GDPD4: variants seen among roughly 807,000 people sequenced by gnomAD.
GDPD4 encodes the protein glycerophosphodiester phosphodiesterase 6.
Under a neutral mutation model 67.8 loss-of-function variants are expected in GDPD4, and 60 were observed. That is an observed-to-expected ratio of 0.88 (90% confidence interval 0.72 to 1.10). The LOEUF is 1.10. Ranked by LOEUF, GDPD4 falls within the 50% of genes least tolerant of loss-of-function variation. The pLI is 0.00. For missense variants in GDPD4, 623 were observed against 613.9 expected, an observed-to-expected ratio of 1.01 and a Z score of -0.16; for synonymous variants, 212 against 210.9, an observed-to-expected ratio of 1.00 and a Z score of -0.04.
Position 77,271,396 on chromosome 11 carries a change from AG to A in GDPD4, c.208-4del, listed in dbSNP as rs1343641113. On this transcript the variant is annotated splice_polypyrimidine_tract_variant and splice_region_variant and intron_variant, in intron 5 of 16. Transcript: ENST00000315938. ...AGAATCACTAGCAGAATCAGGATCTAGGGAAACAGAAAAAAAATCTCCTGAC... is the reference window on the plus strand; with the variant it reads ...AGAATCACTAGCAGAATCAGGATCTAGGAAACAGAAAAAAAATCTCCTGAC... 5.6e-6 allele frequency: 9 copies of A among 1,593,184 alleles called. No homozygotes were observed. The highest frequency in any genetic ancestry group is 3.6e-4 in the Middle Eastern group (2 of 5,600).
chr11:77,231,240 G>A lies in GDPD4; in HGVS notation c.1389+1785C>T, dbSNP rs763484630. On this transcript the variant is annotated intron_variant, in intron 14 of 16. Coordinates refer to ENST00000315938, the MANE Select transcript of GDPD4 (RefSeq NM_182833.3). Reference sequence around the variant, plus strand: ...TCCTCACTTTAATTTTCTCAATTACGAGACCAATGACCAGACCAGATTATG... The same window carrying A: ...TCCTCACTTTAATTTTCTCAATTACAAGACCAATGACCAGACCAGATTATG... 3.9e-5 allele frequency among the ~76,000 whole-genome samples: 6 copies of A among 152,190 alleles called. No homozygotes were observed. In the East Asian group the frequency reaches 9.6e-4, roughly 24 times the overall value.
intron 1 of GDPD4, among the ~76,000 whole-genome samples, chr11:77,292,706 T>A (rs922445390): frequency 2.6e-5 from 4 of 152,066 alleles, no homozygotes; most frequent in African/African-American, 9.7e-5. Flanking sequence ...CCAGGATCAT[T>A]AAGGAGATTA....
intron 13 of GDPD4, among the ~76,000 whole-genome samples, chr11:77,238,361 A>G (rs941384227): frequency 5.9e-5 from 9 of 152,164 alleles, no homozygotes; most frequent in African/African-American, 2.2e-4. Context: ...AGGTGGGTGG[A>G]TCACCTGAGG....
At chr11:77,249,023 T>C (rs972260233) in intron 11 of GDPD4, among the ~76,000 whole-genome samples, 5 of 151,688 alleles carry the variant, frequency 3.3e-5, no homozygotes, top group African/African-American at 7.3e-5. Context: ...TCCCAGCACT[T>C]TGGGAGGCCA....
intron 2 of GDPD4, chr11:77,286,835 C>A (rs1000424078): frequency 6.6e-6 from 1 of 152,134 alleles, no homozygotes; most frequent in Non-Finnish European, 1.5e-5. Context: ...TTTTCTCCTG[C>A]GAAGAGAAAT....
In GDPD4 at chr11:77,261,834, C is replaced by T. The variant is rs1325594016; in HGVS notation, c.708-3292G>A. Among the ~76,000 whole-genome samples the T allele has an allele frequency of 3.9e-5, 6 of 152,162 alleles. No homozygotes were observed. The East Asian group carries it at 9.6e-4, about 24-fold the overall frequency. ...GGATGTTGGAGCTCAGAAACCTACACCCAAATTGTGGTATGCTGACATGCT... is the reference window on the plus strand; with the variant it reads ...GGATGTTGGAGCTCAGAAACCTACATCCAAATTGTGGTATGCTGACATGCT... On this transcript the variant is annotated intron_variant, in intron 10 of 16. Transcript: ENST00000315938.
At chr11:77,293,364 C>G (rs945518369) in intron 1 of GDPD4, among the ~76,000 whole-genome samples, 4 of 152,166 alleles carry the variant, frequency 2.6e-5, no homozygotes, top group Non-Finnish European at 5.9e-5. Context: ...GAGGCTGAGG[C>G]AGGCAGACTG....
intron 11 of GDPD4, among the ~76,000 whole-genome samples, chr11:77,247,553 T>A (rs1406526606): frequency 6.6e-6 from 1 of 152,190 alleles, no homozygotes; most frequent in African/African-American, 2.4e-5. Flanking sequence ...GTTTAGACTA[T>A]ATTCAACATG....
rs1240532026 is a variant in GDPD4, at chr11:77,227,874, G to A, written c.1515C>T (p.Ser505=). 2 of 1,613,188 alleles carry A rather than the reference G, an allele frequency of 1.2e-6. No individual in the cohort carries two copies. Among genetic ancestry groups the A allele is most frequent in the Admixed American group, 3.3e-5 (2 of 60,018 alleles). Residue 505 remains serine, a synonymous_variant, in exon 16 of 17, where the codon AGC becomes AGT. Coordinates refer to ENST00000315938, the MANE Select transcript of GDPD4 (RefSeq NM_182833.3). ...GGCCTCTGACTTTACCTGTGCGAGT[G>A]CTGGAGGTTTCAAACAATTTTTCTT... ...TEKEKLFETS[S]TRTDTQSGSK... is the part of the protein sequence containing the mutation.
In GDPD4 at chr11:77,246,357, C is replaced by T. The variant is rs150276886; in HGVS notation, c.865-855G>A. 3.4e-3 allele frequency among the ~76,000 whole-genome samples: 515 copies of T among 152,242 alleles called. 1 individual carries two copies. The highest frequency in any genetic ancestry group is 0.011 in the African/African-American group (474 of 41,548). ...TTCAATGGCTTTGAAGCCCAATGGC[C>T]CATTTTTATGCCTCTGTATGTCTCA... is the stretch of plus-strand genomic sequence containing the variant. On this transcript the variant is annotated intron_variant, in intron 11 of 16. Transcript: ENST00000315938.
At chr11:77,218,476 G>C (rs1958167846) in intron 16 of GDPD4, among the ~76,000 whole-genome samples, 1 of 152,186 alleles carries the variant, frequency 6.6e-6, no homozygotes, top group Non-Finnish European at 1.5e-5. Flanking sequence ...TGCCATGTTG[G>C]TTTGCTGCAC....
intron 1 of GDPD4, among the ~76,000 whole-genome samples, chr11:77,291,557 A>G (rs1222638111): frequency 6.6e-6 from 1 of 152,224 alleles, no homozygotes; most frequent in Non-Finnish European, 1.5e-5. Flanking sequence ...TTTCAAAGCG[A>G]TAGATATCCT....
At chr11:77,247,139 AATTGCTAGGCCAGAAGGCAGATC>A (rs1348386195) in intron 11 of GDPD4, among the ~76,000 whole-genome samples, 15 of 152,166 alleles carry the variant, frequency 9.9e-5, no homozygotes, top group East Asian at 5.8e-4. Flanking sequence ...ATCTCCGGAA[AATTGCTAGGCCAGAAGGCAGATC>A]ATTGCTAGGC....
chr11:77,229,624 T>A (rs1300387021), intron 14 of GDPD4, among the ~76,000 whole-genome samples: 1 of 152,168 alleles, frequency 6.6e-6, no homozygotes, highest in African/African-American at 2.4e-5. Flanking sequence ...CAGCCAAGTC[T>A]CCCGGGGCAG....
chr11:77,255,351 G>A (rs1270128533), intron 11 of GDPD4, among the ~76,000 whole-genome samples: 1 of 152,160 alleles, frequency 6.6e-6, no homozygotes, highest in African/African-American at 2.4e-5. Context: ...TGGATCACCT[G>A]AGGTTAGGAG....
chr11:77,270,447 G>A (rs1444363899), intron 7 of GDPD4, among the ~76,000 whole-genome samples: 3 of 152,252 alleles, frequency 2.0e-5, no homozygotes, highest in Non-Finnish European at 4.4e-5. Context: ...GCCGGGCGCA[G>A]TGGCTCACGC....
intron 16 of GDPD4, among the ~76,000 whole-genome samples, chr11:77,219,852 G>C (rs1348749714): frequency 6.6e-6 from 1 of 152,090 alleles, no homozygotes; most frequent in Non-Finnish European, 1.5e-5. Flanking sequence ...GGATTGTCTT[G>C]GCAATGCCTT....
intron 11 of GDPD4, among the ~76,000 whole-genome samples, chr11:77,255,390 A>C (rs1360592951): frequency 1.3e-5 from 2 of 152,040 alleles, no homozygotes; most frequent in Non-Finnish European, 2.9e-5. Context: ...AACATGGTGA[A>C]ACCCTCTATT....
In GDPD4 at chr11:77,278,032, G is replaced by C. The variant is rs575161336; in HGVS notation, c.147+1274C>G. On this transcript the variant is annotated intron_variant, in intron 4 of 16. Coordinates refer to ENST00000315938, the MANE Select transcript of GDPD4 (RefSeq NM_182833.3). ...CAGGAGCAGGTTGTTCAGTTTCCATGTAGTTGAGCGGTTTTGAGTGAGTTT... is the reference window on the plus strand; with the variant it reads ...CAGGAGCAGGTTGTTCAGTTTCCATCTAGTTGAGCGGTTTTGAGTGAGTTT... 1.6e-3 allele frequency among the ~76,000 whole-genome samples: 248 copies of C among 152,168 alleles called. 1 individual carries two copies. Among genetic ancestry groups the C allele is most frequent in the South Asian group, 3.5e-3 (17 of 4,798 alleles).
Sources: gnomAD v4.1 joint callset for allele counts (sites outside exome capture counted in the v4.1 genomes callset) on GRCh38, gnomAD v4.1.1 for gene constraint, MANE v1.5 for transcripts, NCBI Gene and HGNC (gene_info 2026-07-23, HGNC 2026-07-21) for gene names.